The following SMC5 variants were observed in gnomAD, a reference collection of about 807,000 sequenced individuals.
SMC5 encodes structural maintenance of chromosomes 5, also known as structural maintenance of chromosomes protein 5.
In SMC5, 88 loss-of-function variants were observed where a neutral mutation model predicts 148.3. That is an observed-to-expected ratio of 0.59 (90% CI 0.50 to 0.71). The LOEUF (loss-of-function observed/expected upper bound fraction) is 0.71. Among genes scored for constraint, SMC5 ranks in the 30% least tolerant of loss-of-function variants. The pLI is 0.00. For synonymous variants in SMC5, 421 were observed against 432.8 expected (o/e 0.97, Z 0.34); for missense variants, 1,142 against 1,298.9 (o/e 0.88, Z 1.86).
At chr9:70,282,051 T>A (rs199942699) in intron 6 of SMC5, among the ~76,000 whole-genome samples, 3 of 148,594 alleles carry the variant, frequency 2.0e-5, no homozygotes, top group Non-Finnish European at 3.0e-5. Flanking sequence ...TTTTTTTTTT[T>A]ATTTTTACCC....
Position 70,350,389 on chromosome 9 carries a change from T to A in SMC5, c.3083T>A (p.Ile1028Asn), listed in dbSNP as rs760370074. The part of the protein sequence containing the change: ...VDEINQGMDP[I>N]NERRVFEMVV... The stretch of plus-strand genomic sequence containing the variant: ...GCCATTGTTTAGGGAATGGACCCAA[T>A]CAATGAACGGAGAGTGTTTGAAATG... The change falls in exon 24 of 25, where the codon ATC becomes AAC. Residue 1028 changes from isoleucine to asparagine, a missense_variant. Ile to Asn is a moderately radical substitution (Grantham distance 149, BLOSUM62 -3). Transcript: ENST00000361138. 1.2e-6 allele frequency: 2 copies of A among 1,610,130 alleles called. No individual in the cohort carries two copies. Among genetic ancestry groups the A allele is most frequent in the Non-Finnish European group, 1.7e-6 (2 of 1,178,792 alleles).
At position 70,259,109 on chromosome 9, in the gene SMC5, C is replaced by G; in HGVS notation, c.31C>G (p.Pro11Ala). The G allele has an allele frequency of 6.2e-7, 1 of 1,611,430 alleles. No individual in the cohort carries two copies. The highest frequency in any genetic ancestry group is 8.5e-7 in the Non-Finnish European group (1 of 1,178,760). Residue 11 changes from proline to alanine, a missense_variant, in exon 1 of 25, where the codon CCA becomes GCA. Physicochemically the swap from Pro to Ala is conservative, Grantham distance 27 (BLOSUM62 -1). Transcript: ENST00000361138. MATPSKKTST[P>A]SPQPSKRALP... ...GACTCCGAGCAAGAAGACGTCAACTCCAAGCCCCCAGCCTTCCAAGAGAGC... is the reference window on the plus strand; with the variant it reads ...GACTCCGAGCAAGAAGACGTCAACTGCAAGCCCCCAGCCTTCCAAGAGAGC...
At chr9:70,282,683 A>G (rs1412300357) in intron 7 of SMC5, 100 bp downstream of exon 7, 27 of 1,200,330 alleles carry the variant, frequency 2.2e-5, no homozygotes, top group Non-Finnish European at 3.0e-5. Flanking sequence ...GTTTTCTTGT[A>G]TCTTTCATTT....
rs1218522593 is a variant in SMC5, at chr9:70,353,649, A to G, written c.*1318A>G. On this transcript the variant is annotated 3_prime_UTR_variant, in exon 25 of 25. Coordinates refer to ENST00000361138, the MANE Select transcript of SMC5 (RefSeq NM_015110.4). ...TAACTAGGTCAAAAAATAATGAGCCATAAGTTTATGTCCTCTCACTTAGAC... is the reference window on the plus strand; with the variant it reads ...TAACTAGGTCAAAAAATAATGAGCCGTAAGTTTATGTCCTCTCACTTAGAC... 6.6e-6 allele frequency: 1 copy of G among 152,226 alleles called. No homozygotes were observed. Among genetic ancestry groups the G allele is most frequent in the Non-Finnish European group, 1.5e-5 (1 of 68,012 alleles). The allele number at this position is 152,226 out of a possible 1,614,324, so 9.4% of individuals were successfully genotyped here. A position where few individuals can be genotyped will look rare whatever the true frequency, so the allele number is the denominator to read the frequency against.
At chr9:70,278,382 GT>G (rs10714271) in intron 4 of SMC5, 108 bp from the exon 5 acceptor site, 693,166 of 1,018,572 alleles carry the variant, frequency 0.68, 239,088 homozygotes, top group Admixed American at 0.72. Context: ...TATCTCAAAT[GT>G]TTTTTTTAAT....
At chr9:70,302,039 CCCA>C (rs1374000035) in intron 10 of SMC5, among the ~76,000 whole-genome samples, 1 of 152,182 alleles carries the variant, frequency 6.6e-6, no homozygotes, top group Admixed American at 6.5e-5. Flanking sequence ...GAGGGAACAT[CCCA>C]AGAAACTGGA....
chr9:70,279,838 A>C, intron 5 of SMC5, among the ~76,000 whole-genome samples: 1 of 150,538 alleles, frequency 6.6e-6, no homozygotes, highest in East Asian at 2.0e-4. Context: ...AAAAAAAAAA[A>C]GGAAATCTGT....
intron 8 of SMC5, among the ~76,000 whole-genome samples, chr9:70,290,252 A>G (rs989054502): frequency 1.3e-5 from 2 of 152,156 alleles, no homozygotes; most frequent in African/African-American, 4.8e-5. Flanking sequence ...TTTTGACTAA[A>G]GTTTCATCCT....
Position 70,277,429 on chromosome 9 carries a change from C to T in SMC5, c.500C>T (p.Ala167Val). The stretch of plus-strand genomic sequence containing the variant: ...AAAATAGTGGAAGAGAAAGTTGCAG[C>T]CTTAAATATTCAAGTGGGGAATCTT... ...TQKIVEEKVAALNIQVGNLCQ... is the reference protein window; with the variant it reads ...TQKIVEEKVAVLNIQVGNLCQ... The change falls in exon 4 of 25, where the codon GCC becomes GTC. Residue 167 changes from alanine (A) to valine (V), a missense_variant. By Grantham distance (64) the Ala-to-Val change is moderately conservative. Coordinates refer to ENST00000361138, the MANE Select transcript of SMC5 (RefSeq NM_015110.4). 6.3e-7 allele frequency: 1 copy of T among 1,599,568 alleles called. No individual in the cohort carries two copies. The highest frequency in any genetic ancestry group is 8.5e-7 in the Non-Finnish European group (1 of 1,173,784).
chr9:70,298,779 A>G (rs1181234637), intron 9 of SMC5, among the ~76,000 whole-genome samples: 1 of 151,662 alleles, frequency 6.6e-6, no homozygotes, highest in Non-Finnish European at 1.5e-5. Flanking sequence ...AGGGTGGCAC[A>G]ACTCCTTTTT....
At chr9:70,314,167 C>T (rs2035733899) in intron 11 of SMC5, among the ~76,000 whole-genome samples, 1 of 152,144 alleles carries the variant, frequency 6.6e-6, no homozygotes, top group Non-Finnish European at 1.5e-5. Flanking sequence ...CTAGTCACCC[C>T]AAACTCCATC....
rs1294150388 is a variant in SMC5, at chr9:70,324,003, A to G, written c.2275-18A>G. On this transcript the variant is annotated intron_variant, in intron 16 of 24. Coordinates refer to ENST00000361138, the MANE Select transcript of SMC5 (RefSeq NM_015110.4). ...ATAGGTAACATAAAAATTAACTCTTAGGGGTTTTTGTTCCTAGATTTGTAC... is the reference window on the plus strand; with the variant it reads ...ATAGGTAACATAAAAATTAACTCTTGGGGGTTTTTGTTCCTAGATTTGTAC... The G allele has an allele frequency of 1.3e-6, 2 of 1,527,638 alleles. No homozygotes were observed. Among genetic ancestry groups the G allele is most frequent in the South Asian group, 1.3e-5 (1 of 78,522 alleles). 94.6% of individuals were successfully genotyped at this position (1,527,638 alleles called of 1,614,324 possible).
At chr9:70,267,857 C>A in intron 2 of SMC5, 66 bp from the exon 3 acceptor site, 1 of 1,395,086 alleles carries the variant, frequency 7.2e-7, no homozygotes, top group South Asian at 1.3e-5. Flanking sequence ...ATAATGACTG[C>A]TAAATCTCTG....
At chr9:70,338,664 A>G (rs1650802871) in intron 17 of SMC5, among the ~76,000 whole-genome samples, 1 of 152,148 alleles carries the variant, frequency 6.6e-6, no homozygotes, top group Non-Finnish European at 1.5e-5. Context: ...TGGCTATTCC[A>G]GTGTTCCTAC....
rs972110388 is a variant in SMC5, at chr9:70,352,528, T to A, written c.*197T>A. ...AGCTGGTAGTAAAAGTTAAGTCTTC[T>A]TCAGTCTTGGTTGAACTTGAGTTCT... On this transcript the variant is annotated 3_prime_UTR_variant, in exon 25 of 25. Coordinates refer to ENST00000361138, the MANE Select transcript of SMC5 (RefSeq NM_015110.4). 4.5e-5 allele frequency: 23 copies of A among 515,130 alleles called. No individual in the cohort carries two copies. The highest frequency in any genetic ancestry group is 7.7e-5 in the Non-Finnish European group (23 of 300,344). The allele number at this position is 515,130 out of a possible 1,614,324, so 31.9% of individuals were successfully genotyped here.
chr9:70,350,189 C>T lies in SMC5; in HGVS notation c.2965C>T (p.His989Tyr), dbSNP rs1400604232. The change falls in exon 23 of 25, where the codon CAT (histidine) becomes TAT (tyrosine). Residue 989 changes from histidine (H) to tyrosine (Y), a missense_variant. Physicochemically the swap from His to Tyr is moderately conservative, Grantham distance 83. Around this residue, in one of 5 missense-constraint regions of SMC5, gnomAD observed 743 missense variants for 835.7 expected, o/e 0.89. Coordinates refer to ENST00000361138, the MANE Select transcript of SMC5 (RefSeq NM_015110.4). ...SSTQLHELTP[H>Y]HQSGGERSVS... is the part of the protein sequence containing the mutation. ...TACTCAACTGCATGAATTAACTCCTCATCATCAAAGTGGAGGTGAAAGAAG... is the reference window on the plus strand; with the variant it reads ...TACTCAACTGCATGAATTAACTCCTTATCATCAAAGTGGAGGTGAAAGAAG... 1.4e-5 allele frequency: 22 copies of T among 1,613,352 alleles called. No homozygotes were observed. Among genetic ancestry groups the T allele is most frequent in the Non-Finnish European group, 1.8e-5 (21 of 1,179,674 alleles).
Position 70,304,992 on chromosome 9 carries a change from A to G in SMC5, c.1465-255A>G, listed in dbSNP as rs1241968883. ...TCAATGAGTTGACTAGAAAGGAACT[A>G]AAGTTATTTCTTAGATAGTATCAAA... On this transcript the variant is annotated intron_variant, in intron 10 of 24. Transcript: ENST00000361138. Among the ~76,000 whole-genome samples, 3 of 152,342 alleles carry G rather than the reference A, an allele frequency of 2.0e-5. No individual in the cohort carries two copies. The East Asian group carries it at 5.8e-4, about 29-fold the overall frequency.
chr9:70,341,559 G>A (rs1265987505), intron 17 of SMC5, among the ~76,000 whole-genome samples: 2 of 152,174 alleles, frequency 1.3e-5, no homozygotes, highest in African/African-American at 4.8e-5. Context: ...TAAGTGGTTA[G>A]TATAAAGGAT....
At chr9:70,302,502 A>AAAT (rs1554693938) in intron 10 of SMC5, among the ~76,000 whole-genome samples, 3,983 of 149,402 alleles carry the variant, frequency 0.027, 170 homozygotes, top group African/African-American at 0.088. Flanking sequence ...AAGAAAAAAA[A>AAAT]ATATATATAT....
Sources: gnomAD v4.1 joint callset for allele counts (sites outside exome capture counted in the v4.1 genomes callset) on GRCh38, gnomAD v4.1.1 for gene constraint, gnomAD v4.1.1 regional missense constraint, MANE v1.5 for transcripts, NCBI Gene and HGNC (gene_info 2026-07-23, HGNC 2026-07-21) for gene names.